Variants in CALD1 observed in about 807,000 individuals in gnomAD.
CALD1 encodes caldesmon.
In CALD1, 33 loss-of-function variants were observed where a neutral mutation model predicts 99.9. The observed-to-expected ratio is 0.33, with a 90% confidence interval of 0.25 to 0.44. The LOEUF is 0.44. Among genes scored for constraint, CALD1 ranks in the 20% least tolerant of loss-of-function variants. CALD1 has a pLI of 1.00. For synonymous variants in CALD1, 310 were observed against 325.0 expected (o/e 0.95, Z 0.50); for missense variants, 861 against 962.1 (o/e 0.89, Z 1.39).
chr7:134,862,175 T>A (rs1800591229), intron 2 of CALD1, among the ~76,000 whole-genome samples: 1 of 152,210 alleles, frequency 6.6e-6, no homozygotes, highest in Non-Finnish European at 1.5e-5. Context: ...AATGAATCAA[T>A]GTGGCAATCA....
At chr7:134,925,643 G>A (rs1335056608) in intron 3 of CALD1, among the ~76,000 whole-genome samples, 1 of 152,128 alleles carries the variant, frequency 6.6e-6, no homozygotes, top group Non-Finnish European at 1.5e-5. Flanking sequence ...AAAACCTTGA[G>A]AGAATTCACT....
intron 8 of CALD1, among the ~76,000 whole-genome samples, chr7:134,948,885 GT>G (rs966264613): frequency 3.4e-4 from 50 of 148,758 alleles, no homozygotes; most frequent in Non-Finnish European, 4.5e-4. Context: ...TTTTTTTATT[GT>G]TTTTTTAGAC....
chr7:134,928,021 C>T (rs1398838982), intron 3 of CALD1: 1 of 228,450 alleles, frequency 4.4e-6, no homozygotes. Flanking sequence ...GGTAGTGTAA[C>T]TTGATTCTTT....
chr7:134,711,720 G>GTC, the CALD1 span, among the ~76,000 whole-genome samples: 1 of 98,762 alleles, frequency 1.0e-5, no homozygotes, highest in Admixed American at 1.1e-4. Context: ...GTGTGTGTGT[G>GTC]TGTGTGTCTC....
At chr7:134,915,771 A>G (rs1465794753) in intron 3 of CALD1, among the ~76,000 whole-genome samples, 1 of 152,176 alleles carries the variant, frequency 6.6e-6, no homozygotes, top group East Asian at 1.9e-4. Flanking sequence ...TATTAACTCA[A>G]AGGGAGTCTT....
chr7:134,732,037 C>A, the CALD1 span, among the ~76,000 whole-genome samples: 1 of 152,130 alleles, frequency 6.6e-6, no homozygotes, highest in South Asian at 2.1e-4. Flanking sequence ...GTAGTCAAGT[C>A]CTATCAATTT....
At chr7:134,880,690 A>G (rs1025059040) in intron 3 of CALD1, among the ~76,000 whole-genome samples, 1 of 152,072 alleles carries the variant, frequency 6.6e-6, no homozygotes, top group East Asian at 1.9e-4. Flanking sequence ...GATGAAGAAG[A>G]TGAGAAAGGA....
intron 3 of CALD1, among the ~76,000 whole-genome samples, chr7:134,898,523 C>T (rs1018445289): frequency 6.6e-6 from 1 of 151,856 alleles, no homozygotes; most frequent in African/African-American, 2.4e-5. Flanking sequence ...GAAACTCAGC[C>T]AAGTTATCCT....
chr7:134,796,437 G>T (rs1053307305), intron 1 of CALD1, among the ~76,000 whole-genome samples: 12 of 152,134 alleles, frequency 7.9e-5, no homozygotes, highest in Non-Finnish European at 1.5e-5. Context: ...TTTGGGGGAA[G>T]ATAGAAATCA....
At position 134,958,201 on chromosome 7, in the gene CALD1, T is replaced by G; in HGVS notation, c.1980-8T>G. ...CATATTTTTATATGTATGTGTTTAC[T>G]TTTTTAGCAGTGGTGTCAAATCGAC... is the stretch of plus-strand genomic sequence containing the variant. On this transcript the variant is annotated splice_region_variant and splice_polypyrimidine_tract_variant and intron_variant, in intron 10 of 14. Coordinates refer to ENST00000361675, the MANE Select transcript of CALD1 (RefSeq NM_033138.4). The G allele has an allele frequency of 6.2e-7, 1 of 1,613,668 alleles. No homozygotes were observed. The highest frequency in any genetic ancestry group is 8.5e-7 in the Non-Finnish European group (1 of 1,179,636).
chr7:134,843,303 A>T (rs1799724425), intron 1 of CALD1, among the ~76,000 whole-genome samples: 1 of 152,216 alleles, frequency 6.6e-6, no homozygotes, highest in Admixed American at 6.5e-5. Context: ...AACTGATGGG[A>T]GAGAAAGATC....
intron 3 of CALD1, among the ~76,000 whole-genome samples, chr7:134,910,852 A>G (rs1323276440): frequency 1.3e-5 from 2 of 152,258 alleles, no homozygotes; most frequent in Non-Finnish European, 2.9e-5. Flanking sequence ...GATTTTCTGC[A>G]TATAGTTGCA....
At chr7:134,724,895 C>G in the CALD1 span, among the ~76,000 whole-genome samples, 1 of 152,200 alleles carries the variant, frequency 6.6e-6, no homozygotes, top group Non-Finnish European at 1.5e-5. Flanking sequence ...CATTCACACC[C>G]AGGGGGACAT....
the CALD1 span, among the ~76,000 whole-genome samples, chr7:134,724,039 T>C: frequency 2.0e-5 from 3 of 152,264 alleles, no homozygotes; most frequent in Non-Finnish European, 4.4e-5. Context: ...ATGCCAAAAA[T>C]TTGCTCAGGG....
intron 3 of CALD1, among the ~76,000 whole-genome samples, chr7:134,877,281 G>A (rs780381964): frequency 4.6e-5 from 7 of 152,158 alleles, no homozygotes; most frequent in Non-Finnish European, 7.4e-5. Flanking sequence ...ATGGCTCAGT[G>A]TCTAATCTTT....
intron 1 of CALD1, among the ~76,000 whole-genome samples, chr7:134,798,035 A>T (rs1180332238): frequency 6.6e-6 from 1 of 152,240 alleles, no homozygotes; most frequent in Non-Finnish European, 1.5e-5. Context: ...CACATTTGTC[A>T]CAAATAATAA....
chr7:134,888,876 C>T (rs1802007567), intron 3 of CALD1, among the ~76,000 whole-genome samples: 1 of 152,232 alleles, frequency 6.6e-6, no homozygotes, highest in South Asian at 2.1e-4. Context: ...CTGTGTACAG[C>T]TGGCAATTAG....
At chr7:134,912,087 A>T (rs749978359) in intron 3 of CALD1, among the ~76,000 whole-genome samples, 1 of 152,196 alleles carries the variant, frequency 6.6e-6, no homozygotes, top group Non-Finnish European at 1.5e-5. Flanking sequence ...GAGAGTATAA[A>T]ATGAAGTTGA....
At chr7:134,827,591 G>T (rs541563208) in intron 1 of CALD1, among the ~76,000 whole-genome samples, 229 of 152,306 alleles carry the variant, frequency 1.5e-3, no homozygotes, top group African/African-American at 5.2e-3. Flanking sequence ...GACTTTAAAA[G>T]CCTTTCTGGA....
Sources: allele counts gnomAD v4.1 joint callset (sites outside exome capture counted in the v4.1 genomes callset), GRCh38; gene constraint gnomAD v4.1.1; transcripts MANE v1.5; gene names NCBI Gene and HGNC (gene_info 2026-07-23, HGNC 2026-07-21).